CADM1: variants seen among roughly 807,000 people sequenced by gnomAD.
CADM1 encodes TSLC-1.
In CADM1, 15 loss-of-function variants were observed where a neutral mutation model predicts 53.1. The observed-to-expected ratio is 0.28, with a 90% CI of 0.19 to 0.44. CADM1 has a LOEUF of 0.44. Among genes scored for constraint, CADM1 ranks in the 20% least tolerant of loss-of-function variants. The probability of loss-of-function intolerance (pLI) is 1.00; values close to 1 mark genes in which losing one functional copy is unlikely to be tolerated. For synonymous variants in CADM1, 281 were observed against 243.0 expected (o/e 1.16, Z -1.45); for missense variants, 434 against 611.3 (o/e 0.71, Z 3.06).
chr11:115,419,556 CAA>C lies in CADM1; in HGVS notation c.124+84713_124+84714del, dbSNP rs201932871. 6.8e-3 allele frequency among the ~76,000 whole-genome samples: 1,042 copies of C among 152,248 alleles called. 9 individuals are homozygous for C. The highest frequency in any genetic ancestry group is 0.024 in the African/African-American group (983 of 41,546). On this transcript the variant is annotated intron_variant, in intron 1 of 11. Transcript: ENST00000331581. ...ACAATTATCAGATATTTCCAGTTTG[CAA>C]AAGTCTCCCAGTTGGTGAAAGCTCT...
intron 1 of CADM1, among the ~76,000 whole-genome samples, chr11:115,376,793 C>G (rs1946449318): frequency 6.6e-6 from 1 of 152,108 alleles, no homozygotes; most frequent in South Asian, 2.1e-4. Flanking sequence ...GAAATAGTGC[C>G]AGCCACCGGG....
At chr11:115,278,748 C>A (rs1194860304) in intron 1 of CADM1, among the ~76,000 whole-genome samples, 1 of 152,164 alleles carries the variant, frequency 6.6e-6, no homozygotes, top group East Asian at 1.9e-4. Flanking sequence ...GTTACTGGAG[C>A]ATTGCCAGGC....
At chr11:115,417,877 A>G (rs1048031444) in intron 1 of CADM1, among the ~76,000 whole-genome samples, 4 of 152,226 alleles carry the variant, frequency 2.6e-5, no homozygotes, top group Admixed American at 2.6e-4. Context: ...GATTTAATTC[A>G]AATTTTAACA....
chr11:115,397,460 T>A (rs1947029253), intron 1 of CADM1: 1 of 152,110 alleles, frequency 6.6e-6, no homozygotes, highest in African/African-American at 2.4e-5. Context: ...TATCAAGATG[T>A]AGAATAGTAC....
chr11:115,369,563 A>G (rs528759162), intron 1 of CADM1, among the ~76,000 whole-genome samples: 1 of 152,352 alleles, frequency 6.6e-6, no homozygotes, highest in Non-Finnish European at 1.5e-5. Flanking sequence ...AACAAGTTAC[A>G]AAGTAAATTA....
chr11:115,424,844 T>A (rs1331844659), intron 1 of CADM1, among the ~76,000 whole-genome samples: 1 of 152,122 alleles, frequency 6.6e-6, no homozygotes, highest in Non-Finnish European at 1.5e-5. Context: ...CACTTTTCTA[T>A]ATATACAAAC....
At chr11:115,178,540 T>G in intron 11 of CADM1, 104 bp downstream of exon 11, 1 of 938,200 alleles carries the variant, frequency 1.1e-6, no homozygotes, top group Non-Finnish European at 1.7e-6. Context: ...AGATAGGCCG[T>G]GTGGCCACAT....
At chr11:115,455,013 T>G (rs1174668357) in intron 1 of CADM1, among the ~76,000 whole-genome samples, 1 of 152,214 alleles carries the variant, frequency 6.6e-6, no homozygotes, top group Non-Finnish European at 1.5e-5. Flanking sequence ...TTCTAAACCT[T>G]CCTTCAATCC....
At chr11:115,306,784 A>T (rs1944386247) in intron 1 of CADM1, among the ~76,000 whole-genome samples, 1 of 152,024 alleles carries the variant, frequency 6.6e-6, no homozygotes, top group Admixed American at 6.6e-5. Context: ...GATAAGCATG[A>T]CTTCACTATC....
At chr11:115,335,780 TCA>T (rs1945252168) in intron 1 of CADM1, among the ~76,000 whole-genome samples, 1 of 152,106 alleles carries the variant, frequency 6.6e-6, no homozygotes, top group Non-Finnish European at 1.5e-5. Flanking sequence ...ATCAAAAAAG[TCA>T]CATTCATTAG....
chr11:115,191,937 G>A (rs1939894322), intron 9 of CADM1, among the ~76,000 whole-genome samples: 1 of 152,140 alleles, frequency 6.6e-6, no homozygotes, highest in South Asian at 2.1e-4. Flanking sequence ...AAACTGCAAG[G>A]TCTTTGGAGA....
At chr11:115,363,057 C>T (rs932856236) in intron 1 of CADM1, among the ~76,000 whole-genome samples, 2 of 152,148 alleles carry the variant, frequency 1.3e-5, no homozygotes, top group South Asian at 2.1e-4. Context: ...AAAAAAATCA[C>T]AGATTCACCC....
In CADM1 at chr11:115,172,224, C is replaced by G. The variant is rs1433027629; in HGVS notation, c.*4250G>C. The G allele has an allele frequency of 6.6e-6, 1 of 152,258 alleles. No homozygotes were observed. The highest frequency in any genetic ancestry group is 1.5e-5 in the Non-Finnish European group (1 of 68,084). 9.4% of individuals were successfully genotyped at this position (152,258 alleles called of 1,614,324 possible). ...TGTGCTTTTGATCCTTATTCTATCT[C>G]TCTGGGTCTTTTTATAGAGATGCAA... On this transcript the variant is annotated 3_prime_UTR_variant, in exon 12 of 12. Coordinates refer to ENST00000331581, the MANE Select transcript of CADM1 (RefSeq NM_001301043.2).
intron 1 of CADM1, among the ~76,000 whole-genome samples, chr11:115,308,879 C>A (rs1944460803): frequency 6.8e-6 from 1 of 147,408 alleles, no homozygotes; most frequent in Non-Finnish European, 1.5e-5. Context: ...TTTATTGAAG[C>A]ACTATGCTAG....
At chr11:115,203,370 A>G (rs1940527968) in intron 8 of CADM1, among the ~76,000 whole-genome samples, 1 of 152,092 alleles carries the variant, frequency 6.6e-6, no homozygotes, top group Non-Finnish European at 1.5e-5. Context: ...GGCAGAGGGG[A>G]GGGAAGGAAA....
At chr11:115,246,359 T>C (rs2134947943) in intron 1 of CADM1, among the ~76,000 whole-genome samples, 1 of 152,312 alleles carries the variant, frequency 6.6e-6, no homozygotes, top group South Asian at 2.1e-4. Context: ...TAATTATGAA[T>C]GCCAACCATA....
At chr11:115,255,102 C>T (rs1174144567) in intron 1 of CADM1, among the ~76,000 whole-genome samples, 4 of 152,012 alleles carry the variant, frequency 2.6e-5, no homozygotes, top group Non-Finnish European at 4.4e-5. Flanking sequence ...GAGCAGGAGT[C>T]GAGAATACTT....
intron 1 of CADM1, among the ~76,000 whole-genome samples, chr11:115,429,554 C>G (rs1947987020): frequency 1.3e-5 from 2 of 148,366 alleles, no homozygotes. Flanking sequence ...GAGTTGAGAT[C>G]GTGCCATTGC....
chr11:115,465,994 A>T (rs1365884249), intron 1 of CADM1, among the ~76,000 whole-genome samples: 1 of 152,184 alleles, frequency 6.6e-6, no homozygotes, highest in Non-Finnish European at 1.5e-5. Context: ...CCCATAATGG[A>T]TTATAAGACT....
Sources: allele counts gnomAD v4.1 joint callset (sites outside exome capture counted in the v4.1 genomes callset), GRCh38; gene constraint gnomAD v4.1.1; transcripts MANE v1.5; gene names NCBI Gene and HGNC (gene_info 2026-07-23, HGNC 2026-07-21).